Variants in YBX1 observed in about 807,000 individuals in gnomAD.
YBX1 encodes Y-box binding protein 1.
Under a neutral mutation model 41.4 loss-of-function variants are expected in YBX1, and 3 were observed. That is an observed-to-expected ratio of 0.07 (90% CI 0.03 to 0.19). The LOEUF is 0.19. Ranked by LOEUF, YBX1 falls within the 10% of genes least tolerant of loss-of-function variation. YBX1 has a pLI of 1.00. For synonymous variants in YBX1, 133 were observed against 165.8 expected (o/e 0.80, Z 1.52); for missense variants, 274 against 462.8 (o/e 0.59, Z 3.74).
intron 2 of YBX1, among the ~76,000 whole-genome samples, chr1:42,690,132 GA>G (rs1190221339): frequency 6.6e-6 from 1 of 151,918 alleles, no homozygotes. Flanking sequence ...GCAAGAACTT[GA>G]ACCCCGAAGG....
At chr1:42,695,239 A>G (rs1228035661) in intron 3 of YBX1, among the ~76,000 whole-genome samples, 1 of 152,128 alleles carries the variant, frequency 6.6e-6, no homozygotes, top group Non-Finnish European at 1.5e-5. Context: ...GCTTCACTTA[A>G]TTGGCCTCAG....
rs1044929543 is a variant in YBX1 at position 42,682,449 on chromosome 1, G to A, written c.-117G>A. ...GCTAGTTCGATCGGTAGCGGGAGCG[G>A]AGAGCGGACCCCAGAGAGCCCTGAG... On this transcript the variant is annotated 5_prime_UTR_variant, in exon 1 of 8. Coordinates refer to ENST00000321358, the MANE Select transcript of YBX1 (RefSeq NM_004559.5). The A allele has an allele frequency of 2.5e-6, 3 of 1,199,350 alleles. No individual in the cohort carries two copies. In the African/African-American group the frequency reaches 4.8e-5, roughly 19 times the overall value. 74.3% of individuals were successfully genotyped at this position (1,199,350 alleles called of 1,614,324 possible).
intron 6 of YBX1, among the ~76,000 whole-genome samples, chr1:42,699,177 G>A (rs558964980): frequency 1.3e-5 from 2 of 152,288 alleles, no homozygotes; most frequent in South Asian, 2.1e-4. Flanking sequence ...TTGCCCACAG[G>A]TGAAAATGTT....
rs1650665121 is a variant in YBX1 at position 42,703,649 on chromosome 1, T to G, written c.*1700T>G. Among the ~76,000 whole-genome samples, 1 of 152,174 alleles carries G rather than the reference T, an allele frequency of 6.6e-6. No individual in the cohort carries two copies. The highest frequency in any genetic ancestry group is 6.5e-5 in the Admixed American group (1 of 15,276). On this transcript the variant is annotated 3_prime_UTR_variant, in exon 8 of 8. Coordinates refer to ENST00000321358, the MANE Select transcript of YBX1 (RefSeq NM_004559.5). Reference sequence around the variant, plus strand: ...TACAACTGCAGACGCACACAGTCCCTGACTTAAACAGTGGTTTGACTTAGG... The same window carrying G: ...TACAACTGCAGACGCACACAGTCCCGGACTTAAACAGTGGTTTGACTTAGG...
Position 42,702,905 on chromosome 1 carries a change from C to T in YBX1, c.*956C>T, listed in dbSNP as rs2148744236. Among the ~76,000 whole-genome samples, 1 of 152,240 alleles carries T rather than the reference C, an allele frequency of 6.6e-6. No individual in the cohort carries two copies. The highest frequency in any genetic ancestry group is 1.9e-4 in the East Asian group (1 of 5,170). ...CTTGTAATTATGTGGTTCTCAACAC[C>T]TTAAATCCTAAGCCTAGTCTGGCTG... On this transcript the variant is annotated 3_prime_UTR_variant, in exon 8 of 8. Transcript: ENST00000321358.
Position 42,696,808 on chromosome 1 carries a change from C to G in YBX1, c.521C>G (p.Ser174Trp). Residue 174 changes from serine (S) to tryptophan (W), a missense_variant, in exon 5 of 8, where the codon TCG (serine) becomes TGG (tryptophan). Around this residue, in one of 3 missense-constraint regions of YBX1, gnomAD observed 187 missense variants for 306.3 expected, o/e 0.61. Coordinates refer to ENST00000321358, the MANE Select transcript of YBX1 (RefSeq NM_004559.5). This position sits in a 1 kb window ranked among gnomAD's most constrained non-coding sequence, Gnocchi z 5.7. ...GAGAGTGGGGAAAAGAACGAGGGAT[C>G]GGAGAGTGCTCCCGAAGGCCAGGCC... is the stretch of plus-strand genomic sequence containing the variant. ...NSESGEKNEGSESAPEGQAQQ... is the reference protein window; with the variant it reads ...NSESGEKNEGWESAPEGQAQQ... 1.2e-6 allele frequency: 2 copies of G among 1,613,316 alleles called. No homozygotes were observed. Among genetic ancestry groups the G allele is most frequent in the East Asian group, 2.2e-5 (1 of 44,860 alleles).
At position 42,682,625 on chromosome 1, in the gene YBX1, C is replaced by G. The variant is rs1650062929; in HGVS notation, c.60C>G (p.Leu20=). The G allele has an allele frequency of 2.8e-6, 4 of 1,419,908 alleles. No individual in the cohort carries two copies. The highest frequency in any genetic ancestry group is 3.0e-5 in the African/African-American group (2 of 66,778). 88.0% of individuals were successfully genotyped at this position (1,419,908 alleles called of 1,614,324 possible). ...PPAAPPAAPA[L]SAADTKPGTT... ...CCGCCCCCCCCGCCGCCCCCGCCCT[C>G]AGCGCCGCCGACACCAAGCCCGGCA... Residue 20 remains leucine, a synonymous_variant, in exon 1 of 8, where the codon CTC becomes CTG. Transcript: ENST00000321358.
At chr1:42,700,695 T>C in intron 6 of YBX1, 86 bp from the exon 7 acceptor site, 1 of 1,199,380 alleles carries the variant, frequency 8.3e-7, no homozygotes, top group Non-Finnish European at 1.1e-6. Context: ...ACATGGTGAG[T>C]TAGTTGTGAA....
At position 42,696,183 on chromosome 1, in the gene YBX1, A is replaced by C; in HGVS notation, c.265-16A>C. ...TTCTCCCCTGTTAATCTATTTTTGG[A>C]ATGTGATATTACTAGACTGCCATAA... On this transcript the variant is annotated splice_polypyrimidine_tract_variant and intron_variant, in intron 3 of 7. Transcript: ENST00000321358. The surrounding 1 kb of genome is among the most constrained non-coding windows in gnomAD (Gnocchi z 5.7). 1 of 1,587,402 alleles carries C rather than the reference A, an allele frequency of 6.3e-7. No homozygotes were observed. The highest frequency in any genetic ancestry group is 8.6e-7 in the Non-Finnish European group (1 of 1,164,862).
intron 6 of YBX1, among the ~76,000 whole-genome samples, chr1:42,699,698 G>T (rs376513793): frequency 6.6e-6 from 1 of 151,958 alleles, no homozygotes; most frequent in African/African-American, 2.4e-5. Flanking sequence ...GCCCTCAAGT[G>T]ATCCTCCCCA....
chr1:42,687,661 G>A (rs1650230444), intron 2 of YBX1, among the ~76,000 whole-genome samples: 1 of 152,096 alleles, frequency 6.6e-6, no homozygotes, highest in Non-Finnish European at 1.5e-5. Context: ...GTTTGAAGTG[G>A]AGTCTCTCTG....
chr1:42,689,421 G>C (rs1026992113), intron 2 of YBX1, among the ~76,000 whole-genome samples: 10 of 152,190 alleles, frequency 6.6e-5, no homozygotes, highest in African/African-American at 2.4e-4. Context: ...TAAGGTGTTA[G>C]ACTAGTGTGG....
chr1:42,685,615 C>G (rs1018438322), intron 2 of YBX1, among the ~76,000 whole-genome samples: 42 of 152,198 alleles, frequency 2.8e-4, no homozygotes, highest in Admixed American at 1.5e-3. Context: ...GGGAGGGAGA[C>G]AGACTGACAC....
In YBX1 at chr1:42,703,535, A is replaced by G. The variant is rs74345535; in HGVS notation, c.*1586A>G. 0.011 allele frequency among the ~76,000 whole-genome samples: 1,659 copies of G among 152,186 alleles called. 16 individuals carry two copies. Among genetic ancestry groups the G allele is most frequent in the African/African-American group, 0.033 (1,355 of 41,524 alleles). ...CTGTACTGCAGAAGTGAGTTAGCCT[A>G]TTTCTTGCTGGTGTTCATGAAAATA... On this transcript the variant is annotated 3_prime_UTR_variant, in exon 8 of 8. Transcript: ENST00000321358.
chr1:42,695,419 T>TA (rs1357010239), intron 3 of YBX1, among the ~76,000 whole-genome samples: 1 of 152,256 alleles, frequency 6.6e-6, no homozygotes, highest in Non-Finnish European at 1.5e-5. Flanking sequence ...TAAAGCCTGT[T>TA]ACATTATCTG....
At chr1:42,697,710 G>A (rs1181542653) in intron 6 of YBX1, among the ~76,000 whole-genome samples, 1 of 151,996 alleles carries the variant, frequency 6.6e-6, no homozygotes, top group African/African-American at 2.4e-5. Context: ...GCTCAAAGTT[G>A]CAAAATGAAA....
rs1570427657 is a variant in YBX1, at chr1:42,702,969, C to T, written c.*1020C>T. 2.0e-5 allele frequency among the ~76,000 whole-genome samples: 3 copies of T among 152,296 alleles called. 1 individual carries two copies. In the Middle Eastern group the frequency reaches 0.01, roughly 518 times the overall value. On this transcript the variant is annotated 3_prime_UTR_variant, in exon 8 of 8. Transcript: ENST00000321358. ...TTGAGACGGAGTCTTGTTCTGTCAT[C>T]AGGCTGGAGTACAGTGGCACAATCT...
At chr1:42,689,117 C>A (rs1650268387) in intron 2 of YBX1, among the ~76,000 whole-genome samples, 1 of 152,186 alleles carries the variant, frequency 6.6e-6, no homozygotes, top group Non-Finnish European at 1.5e-5. Flanking sequence ...TCCCCCTAGT[C>A]CTGGGGCTGC....
intron 2 of YBX1, among the ~76,000 whole-genome samples, chr1:42,685,375 A>G (rs1650169782): frequency 6.6e-6 from 1 of 152,224 alleles, no homozygotes; most frequent in Non-Finnish European, 1.5e-5. Context: ...TATTTTGTCA[A>G]ATTAACTGGT....
Sources: allele counts gnomAD v4.1 joint callset (sites outside exome capture counted in the v4.1 genomes callset), GRCh38; gene constraint gnomAD v4.1.1; regional missense constraint gnomAD v4.1.1; non-coding constraint Gnocchi (gnomAD v3.1); transcripts MANE v1.5; gene names NCBI Gene and HGNC (gene_info 2026-07-23, HGNC 2026-07-21).